Variants in RANBP2 observed in about 807,000 individuals in gnomAD.
The protein encoded by RANBP2 is E3 SUMO-protein ligase RanBP2.
Under a neutral mutation model 303.6 loss-of-function variants are expected in RANBP2, and 57 were observed. The observed-to-expected ratio is 0.19, with a 90% CI of 0.15 to 0.23. The LOEUF (loss-of-function observed/expected upper bound fraction) is 0.23, where lower values mean the gene tolerates loss of function less well. Among genes scored for constraint, RANBP2 ranks in the 10% least tolerant of loss-of-function variants. RANBP2 has a pLI of 1.00. For missense variants in RANBP2, 3,138 were observed against 3,780.8 expected (o/e 0.83, Z 4.46); for synonymous variants, 1,167 against 1,301.5 (o/e 0.90, Z 2.23).
Position 108,766,489 on chromosome 2 carries a change from G to T in RANBP2, c.5950G>T (p.Gly1984Cys). ...AGAAAAATTATTCTCATCACAATACGGTAAAATGGCCAATAAAGCAAACAC... is the reference window on the plus strand; with the variant it reads ...AGAAAAATTATTCTCATCACAATACTGTAAAATGGCCAATAAAGCAAACAC... ...AGEKLFSSQY[G>C]KMANKANTSG... Residue 1984 changes from glycine (G) to cysteine (C), a missense_variant, in exon 20 of 29, where the codon GGT (glycine) becomes TGT (cysteine). By Grantham distance (159) the Gly-to-Cys change is radical (BLOSUM62 -3). Around this residue, in one of 20 missense-constraint regions of RANBP2, gnomAD observed 348 missense variants for 360.4 expected, o/e 0.97. Transcript: ENST00000283195. 6.2e-7 allele frequency: 1 copy of T among 1,611,836 alleles called. No individual in the cohort carries two copies. The highest frequency in any genetic ancestry group is 8.5e-7 in the Non-Finnish European group (1 of 1,179,822).
At chr2:109,347,557 G>A in the RANBP2 span, 8 of 1,386,632 alleles carry the variant, frequency 5.8e-6, no homozygotes, top group Admixed American at 2.6e-5. Context: ...GGGGCACTCT[G>A]TATGCACCCC....
the RANBP2 span, among the ~76,000 whole-genome samples, chr2:108,953,539 G>C: frequency 1.2e-4 from 19 of 152,108 alleles, no homozygotes; most frequent in Non-Finnish European, 2.6e-4. Context: ...GTCCTGTGCT[G>C]TTTGTTGTCC....
intron 20 of RANBP2, among the ~76,000 whole-genome samples, chr2:108,769,949 C>T (rs1677380932): frequency 1.6e-5 from 2 of 124,798 alleles, no homozygotes; most frequent in Non-Finnish European, 3.1e-5. Flanking sequence ...AAGTAGCAAT[C>T]TCTGATTTTT....
the RANBP2 span, among the ~76,000 whole-genome samples, chr2:109,228,060 G>A: frequency 6.6e-6 from 1 of 152,192 alleles, no homozygotes; most frequent in Admixed American, 6.5e-5. Context: ...CCCAGACACA[G>A]GTACGAGTGT....
At chr2:109,546,235 T>C in the RANBP2 span, 7 of 1,539,104 alleles carry the variant, frequency 4.5e-6, no homozygotes, top group African/African-American at 1.4e-5. Context: ...ATTTGGCCTG[T>C]AGCTGGAAAC....
At chr2:109,541,060 TCTTA>T in the RANBP2 span, among the ~76,000 whole-genome samples, 1 of 152,228 alleles carries the variant, frequency 6.6e-6, no homozygotes, top group Non-Finnish European at 1.5e-5. Context: ...TCCTGCAGTT[TCTTA>T]CTTTTTTCTG....
At chr2:108,749,329 C>T (rs1675660915) in intron 9 of RANBP2, among the ~76,000 whole-genome samples, 200 bp downstream of exon 9, 1 of 152,068 alleles carries the variant, frequency 6.6e-6, no homozygotes, top group African/African-American at 2.4e-5. Context: ...CCAAGTTTTG[C>T]TCTTGTCGCC....
chr2:109,630,664 T>C, the RANBP2 span, among the ~76,000 whole-genome samples: 1 of 152,158 alleles, frequency 6.6e-6, no homozygotes, highest in Non-Finnish European at 1.5e-5. Context: ...CTTTGTTTCC[T>C]CTCATAGCCA....
chr2:109,514,728 T>C, the RANBP2 span, among the ~76,000 whole-genome samples: 4 of 152,186 alleles, frequency 2.6e-5, no homozygotes, highest in Non-Finnish European at 4.4e-5. Flanking sequence ...GTGGGACCGA[T>C]TGGTCTCTGG....
chr2:109,449,375 C>G, the RANBP2 span: 6 of 1,610,978 alleles, frequency 3.7e-6, no homozygotes, highest in Non-Finnish European at 4.2e-6. Context: ...TCACACCTCC[C>G]AACGTCAGTG....
chr2:109,259,273 G>T, the RANBP2 span, among the ~76,000 whole-genome samples: 1 of 152,300 alleles, frequency 6.6e-6, no homozygotes, highest in Middle Eastern at 3.4e-3. Flanking sequence ...AGCTGCTGCT[G>T]GCTCCTGAAC....
the RANBP2 span, among the ~76,000 whole-genome samples, chr2:109,633,370 G>T: frequency 6.6e-6 from 1 of 152,012 alleles, no homozygotes; most frequent in Admixed American, 6.6e-5. Context: ...TCCAGCCTGG[G>T]TGACAGAATG....
chr2:109,339,519 A>G, the RANBP2 span, among the ~76,000 whole-genome samples: 1 of 152,170 alleles, frequency 6.6e-6, no homozygotes, highest in Non-Finnish European at 1.5e-5. Context: ...TGTGCTGCCC[A>G]AAAGGCCGGT....
the RANBP2 span, among the ~76,000 whole-genome samples, chr2:109,446,493 G>A: frequency 6.6e-6 from 1 of 152,202 alleles, no homozygotes; most frequent in South Asian, 2.1e-4. Context: ...AGGAAAGCTG[G>A]AGCTAGAGCA....
the RANBP2 span, among the ~76,000 whole-genome samples, chr2:108,975,532 G>A: frequency 2.0e-5 from 3 of 152,222 alleles, no homozygotes; most frequent in African/African-American, 7.2e-5. Context: ...ATGCCGGAGT[G>A]AGAAGAGGTG....
At chr2:109,570,442 T>A in the RANBP2 span, among the ~76,000 whole-genome samples, 1 of 152,204 alleles carries the variant, frequency 6.6e-6, no homozygotes, top group Non-Finnish European at 1.5e-5. Context: ...GGAAAAATTT[T>A]TTTAATGACA....
At chr2:109,280,461 G>A in the RANBP2 span, among the ~76,000 whole-genome samples, 1 of 152,184 alleles carries the variant, frequency 6.6e-6, no homozygotes, top group African/African-American at 2.4e-5. Context: ...AAGGGGAGCG[G>A]TGGGGAATCC....
At chr2:109,603,728 T>C in the RANBP2 span, among the ~76,000 whole-genome samples, 2 of 152,094 alleles carry the variant, frequency 1.3e-5, no homozygotes, top group Non-Finnish European at 2.9e-5. Context: ...GAGAAAGCAC[T>C]GGCAAGAAAA....
the RANBP2 span, among the ~76,000 whole-genome samples, chr2:109,123,168 T>C: frequency 6.6e-6 from 1 of 152,106 alleles, no homozygotes; most frequent in Non-Finnish European, 1.5e-5. Context: ...AGTGCAGGTA[T>C]CAGCCGTGGC....
Sources: allele counts gnomAD v4.1 joint callset (sites outside exome capture counted in the v4.1 genomes callset), GRCh38; gene constraint gnomAD v4.1.1; regional missense constraint gnomAD v4.1.1; transcripts MANE v1.5; gene names NCBI Gene and HGNC (gene_info 2026-07-23, HGNC 2026-07-21).